SOCS6: variants seen among roughly 807,000 people sequenced by gnomAD.
SOCS6 encodes STAT induced STAT inhibitor-4.
In SOCS6, 5 loss-of-function variants were observed where a neutral mutation model predicts 27.7. The observed-to-expected ratio is 0.18, with a 90% confidence interval of 0.09 to 0.38. SOCS6 has a LOEUF of 0.38. SOCS6 is among the 10% of genes least tolerant of loss of function. SOCS6 has a pLI of 1.00. For missense variants in SOCS6, 595 were observed against 688.1 expected (o/e 0.86, Z 1.51); for synonymous variants, 271 against 260.0 (o/e 1.04, Z -0.41).
chr18:70,305,795 A>AT (rs2062366810), intron 1 of SOCS6, among the ~76,000 whole-genome samples: 1 of 152,064 alleles, frequency 6.6e-6, no homozygotes, highest in Non-Finnish European at 1.5e-5. Context: ...TTCCTCAGTC[A>AT]TTTTATATTT....
At chr18:70,299,581 T>G (rs1323132290) in intron 1 of SOCS6, among the ~76,000 whole-genome samples, 1 of 152,166 alleles carries the variant, frequency 6.6e-6, no homozygotes, top group African/African-American at 2.4e-5. Context: ...TGCTGAAAGT[T>G]CCACACTCTA....
chr18:70,289,453 C>A (rs1210564049), intron 1 of SOCS6, among the ~76,000 whole-genome samples: 1 of 147,150 alleles, frequency 6.8e-6, no homozygotes, highest in African/African-American at 2.4e-5. Context: ...CCTCTTCGGC[C>A]GCGGCGCGCC....
intron 1 of SOCS6, among the ~76,000 whole-genome samples, chr18:70,293,905 A>C (rs1482786470): frequency 6.6e-6 from 1 of 152,134 alleles, no homozygotes. Context: ...AGCCTGGCCA[A>C]CATAGTGAAA....
intron 1 of SOCS6, among the ~76,000 whole-genome samples, chr18:70,302,748 CTG>C (rs113182898): frequency 0.085 from 12,828 of 150,984 alleles, 601 homozygotes; most frequent in Middle Eastern, 0.18. Flanking sequence ...CGGTTCCTAA[CTG>C]TATATATATA....
At chr18:70,317,570 C>G (rs539988303) in intron 1 of SOCS6, among the ~76,000 whole-genome samples, 1 of 146,522 alleles carries the variant, frequency 6.8e-6, no homozygotes, top group South Asian at 2.3e-4. Flanking sequence ...CACACACACA[C>G]ACACACACAC....
rs1268087614 is a variant in SOCS6, at chr18:70,326,090, G to A, written c.1422G>A (p.Arg474=). The A allele has an allele frequency of 6.2e-7, 1 of 1,614,188 alleles. No individual in the cohort carries two copies. The highest frequency in any genetic ancestry group is 1.1e-5 in the South Asian group (1 of 91,082). The change falls in exon 2 of 2, where the codon AGG becomes AGA. Residue 474 remains arginine (R), a synonymous_variant. Transcript: ENST00000397942. Reference sequence around the variant, plus strand: ...AAAATGGAGCTTTTTGTTATTCAAGGTCTCGGCTGCCTGGATCTGCAACTT... The same window carrying A: ...AAAATGGAGCTTTTTGTTATTCAAGATCTCGGCTGCCTGGATCTGCAACTT... The part of the protein sequence containing the change: ...DSENGAFCYS[R]SRLPGSATYP...
At chr18:70,310,475 T>TG (rs2062386411) in intron 1 of SOCS6, among the ~76,000 whole-genome samples, 1 of 147,508 alleles carries the variant, frequency 6.8e-6, no homozygotes, top group African/African-American at 2.5e-5. Flanking sequence ...GGGGTTTTTT[T>TG]TTTTTTTTTT....
rs1431327171 is a variant in SOCS6, at chr18:70,329,699, CT to C, written c.*3426del. 1 of 167,074 alleles carries C rather than the reference CT, an allele frequency of 6.0e-6. No homozygotes were observed. Among genetic ancestry groups the C allele is most frequent in the Non-Finnish European group, 1.5e-5 (1 of 68,106 alleles). 10.3% of individuals were successfully genotyped at this position (167,074 alleles called of 1,614,324 possible). A position where few individuals can be genotyped will look rare whatever the true frequency, so the allele number is the denominator to read the frequency against. ...GAACAATAGCCAGTTCCGTAAATAA[CT>C]TTAAAATTCTAAAAGTGTTGGTACA... is the stretch of plus-strand genomic sequence containing the variant. On this transcript the variant is annotated 3_prime_UTR_variant, in exon 2 of 2. Transcript: ENST00000397942.
chr18:70,316,894 A>C (rs1303623529), intron 1 of SOCS6, among the ~76,000 whole-genome samples: 1 of 152,208 alleles, frequency 6.6e-6, no homozygotes, highest in East Asian at 1.9e-4. Flanking sequence ...TATCAGTCTA[A>C]ATGATACACT....
chr18:70,325,901 T>C lies in SOCS6; in HGVS notation c.1233T>C (p.Ser411=). 6.2e-7 allele frequency: 1 copy of C among 1,614,242 alleles called. No individual in the cohort carries two copies. Among genetic ancestry groups the C allele is most frequent in the Non-Finnish European group, 8.5e-7 (1 of 1,180,034 alleles). ...ATGGTTCTTTTCTTGTTCGGGACAG[T>C]TCTGACGACCGTTACCTTTTAAGCT... ...VPDGSFLVRD[S]SDDRYLLSLS... is the part of the protein sequence containing the mutation. Residue 411 remains serine (S), a synonymous_variant, in exon 2 of 2, where the codon AGT becomes AGC. Coordinates refer to ENST00000397942, the MANE Select transcript of SOCS6 (RefSeq NM_004232.4). The surrounding 1 kb of genome is among the most constrained non-coding windows in gnomAD (Gnocchi z 6.3).
chr18:70,307,988 G>T (rs1193152904), intron 1 of SOCS6, among the ~76,000 whole-genome samples: 1 of 152,078 alleles, frequency 6.6e-6, no homozygotes, highest in East Asian at 1.9e-4. Context: ...CACTACTTTA[G>T]CCACATCCCA....
chr18:70,294,828 C>G (rs1185431775), intron 1 of SOCS6, among the ~76,000 whole-genome samples: 2 of 152,166 alleles, frequency 1.3e-5, no homozygotes, highest in Non-Finnish European at 2.9e-5. Flanking sequence ...TCTGCAGAGC[C>G]TTCTGCTCTG....
At chr18:70,301,841 A>T (rs1429442101) in intron 1 of SOCS6, among the ~76,000 whole-genome samples, 4 of 152,130 alleles carry the variant, frequency 2.6e-5, no homozygotes, top group Admixed American at 2.6e-4. Flanking sequence ...AGGTAAAATG[A>T]TATGAAAGGA....
At chr18:70,302,767 A>G (rs970030215) in intron 1 of SOCS6, among the ~76,000 whole-genome samples, 3 of 123,676 alleles carry the variant, frequency 2.4e-5, no homozygotes, top group African/African-American at 8.8e-5. Flanking sequence ...TATATACACC[A>G]GTATAAAAAA....
intron 1 of SOCS6, among the ~76,000 whole-genome samples, chr18:70,317,507 CATAT>C (rs2062417032): frequency 9.2e-6 from 1 of 109,122 alleles, no homozygotes; most frequent in Admixed American, 1.1e-4. Context: ...TATATACATA[CATAT>C]ATACATACAT....
At chr18:70,291,275 T>G (rs953011714) in intron 1 of SOCS6, among the ~76,000 whole-genome samples, 2 of 152,246 alleles carry the variant, frequency 1.3e-5, no homozygotes, top group African/African-American at 2.4e-5. Context: ...CCTGGCTGAT[T>G]GTTTTTTGGA....
chr18:70,310,431 G>A (rs928607466), intron 1 of SOCS6, among the ~76,000 whole-genome samples: 6 of 146,640 alleles, frequency 4.1e-5, no homozygotes, highest in Admixed American at 1.4e-4. Context: ...ATAGGTATTC[G>A]TCACCATGCC....
chr18:70,329,109 C>G lies in SOCS6; in HGVS notation c.*2833C>G, dbSNP rs1038223340. 6 of 166,962 alleles carry G rather than the reference C, an allele frequency of 3.6e-5. No individual in the cohort carries two copies. Among genetic ancestry groups the G allele is most frequent in the Admixed American group, 1.3e-4 (2 of 15,276 alleles). 10.3% of individuals were successfully genotyped at this position (166,962 alleles called of 1,614,324 possible). On this transcript the variant is annotated 3_prime_UTR_variant, in exon 2 of 2. Coordinates refer to ENST00000397942, the MANE Select transcript of SOCS6 (RefSeq NM_004232.4). ...GAAGCTATTTTTAGGCTTACTATAACACTATTATGCATTTTTATAAATAAG... is the reference window on the plus strand; with the variant it reads ...GAAGCTATTTTTAGGCTTACTATAAGACTATTATGCATTTTTATAAATAAG...
At chr18:70,312,828 C>T (rs1031309436) in intron 1 of SOCS6, among the ~76,000 whole-genome samples, 1 of 135,304 alleles carries the variant, frequency 7.4e-6, no homozygotes, top group East Asian at 2.3e-4. Flanking sequence ...GGCTGGAGTG[C>T]AGTGGCGTGA....
Sources: gnomAD v4.1 joint callset for allele counts (sites outside exome capture counted in the v4.1 genomes callset) on GRCh38, gnomAD v4.1.1 for gene constraint, Gnocchi (gnomAD v3.1) non-coding constraint, MANE v1.5 for transcripts, NCBI Gene and HGNC (gene_info 2026-07-23, HGNC 2026-07-21) for gene names.